Variants in PDZK1 observed in about 807,000 individuals in gnomAD.
The protein encoded by PDZK1 is PDZ domain containing 1.
In PDZK1, 23 loss-of-function variants were observed where a neutral mutation model predicts 38.1. That is an observed-to-expected ratio of 0.60 (90% confidence interval 0.43 to 0.85). The LOEUF (loss-of-function observed/expected upper bound fraction) is 0.85, where lower values mean the gene tolerates loss of function less well. Among genes scored for constraint, PDZK1 ranks in the 40% least tolerant of loss-of-function variants. PDZK1 has a pLI of 0.00. For missense variants in PDZK1, 297 were observed against 504.3 expected, an observed-to-expected ratio of 0.59 and a Z score of 3.94; for synonymous variants, 98 against 186.2, an observed-to-expected ratio of 0.53 and a Z score of 3.86.
intron 6 of PDZK1, among the ~76,000 whole-genome samples, chr1:145,676,790 C>T (rs587773674): frequency 5.9e-5 from 9 of 152,102 alleles, no homozygotes; most frequent in African/African-American, 2.2e-4. Context: ...TGAAGATGCT[C>T]TCTTCTCCAA....
At position 145,681,459 on chromosome 1, in the gene PDZK1, T is replaced by TA. The variant is rs1301679739; in HGVS notation, c.598-353_598-352insT. Among the ~76,000 whole-genome samples, 4 of 149,980 alleles carry TA rather than the reference T, an allele frequency of 2.7e-5. No individual in the cohort carries two copies. The Middle Eastern group carries it at 0.014, about 514-fold the overall frequency. ...CACCGCACCTGGCTAAATTTTTTTT[T>TA]TTTTATTTTTAGTGGAGACGGTGTT... On this transcript the variant is annotated intron_variant, in intron 4 of 8. Coordinates refer to ENST00000417171, the MANE Select transcript of PDZK1 (RefSeq NM_001201325.2).
At chr1:145,705,298 C>T (rs1656186071) in intron 1 of PDZK1, among the ~76,000 whole-genome samples, 3 of 152,188 alleles carry the variant, frequency 2.0e-5, no homozygotes, top group South Asian at 2.1e-4. Flanking sequence ...ACCATGTTGG[C>T]CAAGCTGGTC....
intron 3 of PDZK1, among the ~76,000 whole-genome samples, chr1:145,685,915 G>A (rs1452263153): frequency 6.6e-6 from 1 of 152,182 alleles, no homozygotes; most frequent in Non-Finnish European, 1.5e-5. Flanking sequence ...GTGGGGCTGA[G>A]CCGCAGCTGA....
intron 1 of PDZK1, among the ~76,000 whole-genome samples, chr1:145,705,283 G>T (rs1336611871): frequency 6.6e-6 from 1 of 152,094 alleles, no homozygotes; most frequent in Non-Finnish European, 1.5e-5. Context: ...TAGAGATGGG[G>T]TTTCACCATG....
At chr1:145,689,968 C>T (rs879973236) in intron 1 of PDZK1, among the ~76,000 whole-genome samples, 3 of 152,256 alleles carry the variant, frequency 2.0e-5, no homozygotes, top group East Asian at 3.9e-4. Flanking sequence ...ACCAGTGGCA[C>T]GAGTGACTAA....
At chr1:145,702,161 G>A (rs587643121) in intron 1 of PDZK1, among the ~76,000 whole-genome samples, 19 of 152,224 alleles carry the variant, frequency 1.2e-4, no homozygotes, top group Non-Finnish European at 2.8e-4. Flanking sequence ...TTATGATCAA[G>A]AATGGAATCT....
chr1:145,683,907 C>T lies in PDZK1; in HGVS notation c.461-1271G>A, dbSNP rs375972605. Among the ~76,000 whole-genome samples, 77 of 151,340 alleles carry T rather than the reference C, an allele frequency of 5.1e-4. 1 individual carries two copies. The East Asian group carries it at 8.0e-3, about 16-fold the overall frequency. ...TGTCACCTAGGCTGGAACGCAGGGC[C>T]GCAATCTTGGCTCACAGCAACCTCT... On this transcript the variant is annotated intron_variant, in intron 3 of 8. Coordinates refer to ENST00000417171, the MANE Select transcript of PDZK1 (RefSeq NM_001201325.2).
chr1:145,682,738 G>A, intron 3 of PDZK1, 102 bp from the exon 4 acceptor site: 2 of 1,375,912 alleles, frequency 1.5e-6, no homozygotes, highest in Middle Eastern at 2.6e-4. Flanking sequence ...TCCTGTGATT[G>A]CCTCCCGATT....
At chr1:145,686,391 A>G (rs1654772015) in intron 3 of PDZK1, 86 bp downstream of exon 3, 4 of 1,525,072 alleles carry the variant, frequency 2.6e-6, no homozygotes, top group Non-Finnish European at 3.6e-6. Flanking sequence ...AAAGAAGAAA[A>G]GTCATTAACC....
chr1:145,686,127 T>C (rs1553701611), intron 3 of PDZK1, among the ~76,000 whole-genome samples: 1 of 152,152 alleles, frequency 6.6e-6, no homozygotes, highest in East Asian at 1.9e-4. Context: ...TTTTATTCCT[T>C]ATTCTGCCCT....
At chr1:145,698,613 G>A (rs1291070552) in intron 1 of PDZK1, among the ~76,000 whole-genome samples, 1 of 152,120 alleles carries the variant, frequency 6.6e-6, no homozygotes, top group Non-Finnish European at 1.5e-5. Flanking sequence ...TTTACCCTAA[G>A]TTGGGGCTAA....
intron 5 of PDZK1, among the ~76,000 whole-genome samples, chr1:145,680,489 G>T (rs1654127650): frequency 6.6e-6 from 1 of 151,898 alleles, no homozygotes; most frequent in Non-Finnish European, 1.5e-5. Context: ...GTCCAGCGGT[G>T]TGCTATACTG....
chr1:145,693,749 G>A (rs1655453080), intron 1 of PDZK1, among the ~76,000 whole-genome samples: 1 of 151,288 alleles, frequency 6.6e-6, no homozygotes, highest in Admixed American at 6.6e-5. Context: ...ACTCCAGCCT[G>A]GGTGACAGAG....
intron 1 of PDZK1, among the ~76,000 whole-genome samples, chr1:145,705,628 G>T (rs1331654282): frequency 3.9e-5 from 6 of 152,184 alleles, no homozygotes; most frequent in Admixed American, 2.6e-4. Flanking sequence ...GAGGCTCAAT[G>T]AGATTAAAAG....
chr1:145,698,173 C>A (rs1655747975), intron 1 of PDZK1, among the ~76,000 whole-genome samples: 1 of 152,042 alleles, frequency 6.6e-6, no homozygotes, highest in Non-Finnish European at 1.5e-5. Context: ...GAAAAATAAT[C>A]TCTAGGGTCA....
At chr1:145,693,952 C>A (rs1571628581) in intron 1 of PDZK1, among the ~76,000 whole-genome samples, 1 of 152,054 alleles carries the variant, frequency 6.6e-6, no homozygotes, top group East Asian at 1.9e-4. Flanking sequence ...TAGGAGAAGC[C>A]CTTGGTCACA....
intron 1 of PDZK1, among the ~76,000 whole-genome samples, chr1:145,704,002 T>C (rs1288505965): frequency 6.6e-6 from 1 of 152,152 alleles, no homozygotes; most frequent in Admixed American, 6.5e-5. Flanking sequence ...CTACTTTTTG[T>C]ATTTTTAGTA....
intron 1 of PDZK1, among the ~76,000 whole-genome samples, chr1:145,690,116 T>G (rs1553702855): frequency 1.3e-5 from 2 of 152,196 alleles, no homozygotes; most frequent in African/African-American, 4.8e-5. Flanking sequence ...CATGACCAGC[T>G]GCCAGGAAAA....
intron 3 of PDZK1, among the ~76,000 whole-genome samples, chr1:145,684,120 T>C (rs1654524866): frequency 6.6e-6 from 1 of 151,812 alleles, no homozygotes; most frequent in Non-Finnish European, 1.5e-5. Context: ...GCGCTAGGAT[T>C]ACAGATATGA....
Sources: allele counts gnomAD v4.1 joint callset (sites outside exome capture counted in the v4.1 genomes callset), GRCh38; gene constraint gnomAD v4.1.1; transcripts MANE v1.5; gene names NCBI Gene and HGNC (gene_info 2026-07-23, HGNC 2026-07-21).